The following COPG1 variants were observed in gnomAD, a reference collection of about 807,000 sequenced individuals.
The protein encoded by COPG1 is coatomer subunit gamma-1.
Under a neutral mutation model 102.8 loss-of-function variants are expected in COPG1, and 29 were observed. The observed-to-expected ratio is 0.28, with a 90% confidence interval of 0.21 to 0.38. The LOEUF is 0.38. COPG1 is among the 10% of genes least tolerant of loss of function. The pLI, the probability that COPG1 is intolerant of heterozygous loss-of-function variation, is 1.00. For synonymous variants in COPG1, 406 were observed against 421.6 expected (o/e 0.96, Z 0.45); for missense variants, 875 against 1,132.7 (o/e 0.77, Z 3.27).
chr3:129,254,316 A>G, intron 5 of COPG1: 1 of 196,266 alleles, frequency 5.1e-6, no homozygotes, highest in Non-Finnish European at 1.0e-5. Flanking sequence ...AGAGTAGGAC[A>G]GAGTGGAGGT....
intron 13 of COPG1, among the ~76,000 whole-genome samples, chr3:129,265,335 A>G (rs4927937): frequency 0.11 from 17,085 of 152,034 alleles, 2,663 homozygotes; most frequent in African/African-American, 0.35. Context: ...CAAGTGGTCC[A>G]CCCACCTCAG....
chr3:129,259,737 C>G (rs1258498581), intron 10 of COPG1, among the ~76,000 whole-genome samples: 1 of 152,112 alleles, frequency 6.6e-6, no homozygotes, highest in Non-Finnish European at 1.5e-5. Context: ...TCCGGGCAGC[C>G]AGGGCAAGGG....
intron 10 of COPG1, among the ~76,000 whole-genome samples, 158 bp downstream of exon 10, chr3:129,258,018 C>G (rs986329310): frequency 6.6e-5 from 10 of 152,210 alleles, no homozygotes; most frequent in African/African-American, 1.4e-4. Flanking sequence ...TGAGTCCCCA[C>G]TTGTATCACG....
Position 129,249,674 on chromosome 3 carries a change from C to T in COPG1, c.-36C>T. 2 of 1,550,664 alleles carry T rather than the reference C, an allele frequency of 1.3e-6. No homozygotes were observed. The highest frequency in any genetic ancestry group is 1.7e-6 in the Non-Finnish European group (2 of 1,146,682). On this transcript the variant is annotated 5_prime_UTR_variant, in exon 1 of 24. Coordinates refer to ENST00000314797, the MANE Select transcript of COPG1 (RefSeq NM_016128.4). ...GCTACTCCGTGCCGCGCCCGTCGAG[C>T]ATTGCGTTGCTGCATTGCGCCCCAC...
intron 17 of COPG1, 59 bp from the exon 18 acceptor site, chr3:129,268,873 C>G: frequency 6.7e-7 from 1 of 1,484,584 alleles, no homozygotes; most frequent in Non-Finnish European, 9.4e-7. Flanking sequence ...CTGGGGTCAC[C>G]ACCACACTGC....
intron 10 of COPG1, among the ~76,000 whole-genome samples, chr3:129,259,357 A>G (rs1200710970): frequency 6.7e-6 from 1 of 150,214 alleles, no homozygotes; most frequent in Non-Finnish European, 1.5e-5. Flanking sequence ...GCTACTCATG[A>G]GGCTGAGGCA....
At chr3:129,261,519 G>T (rs953116202) in intron 12 of COPG1, among the ~76,000 whole-genome samples, 2 of 152,172 alleles carry the variant, frequency 1.3e-5, no homozygotes, top group African/African-American at 4.8e-5. Context: ...TTCTTTTGGG[G>T]CAGGAGGAAG....
rs533307406 is a variant in COPG1 at position 129,249,785 on chromosome 3, C to T, written c.37+39C>T. 7.8e-6 allele frequency: 12 copies of T among 1,531,368 alleles called. No homozygotes were observed. In the South Asian group the frequency reaches 1.4e-4, roughly 17 times the overall value. The allele number at this position is 1,531,368 out of a possible 1,614,324, so 94.9% of individuals were successfully genotyped here. The stretch of plus-strand genomic sequence containing the variant: ...GCCTGGGTCTGAGGGAGGCCGGACC[C>T]CCACCCGCCGAGCTTTCCTTCTGGT... On this transcript the variant is annotated intron_variant, in intron 1 of 23. Transcript: ENST00000314797.
chr3:129,261,780 C>T (rs1018268961), intron 12 of COPG1, among the ~76,000 whole-genome samples: 1 of 152,152 alleles, frequency 6.6e-6, no homozygotes, highest in East Asian at 1.9e-4. Context: ...CATGTGGAGA[C>T]TTTCAAAATT....
rs1475622427 is a variant in COPG1, at chr3:129,275,879, G to A, written c.2494+587G>A. On this transcript the variant is annotated intron_variant, in intron 23 of 23. Transcript: ENST00000314797. This position sits in a 1 kb window ranked among gnomAD's most constrained non-coding sequence, Gnocchi z 5.0. Reference sequence around the variant, plus strand: ...TTGCTTAGTATTCCATTGTGTGGATGCACCACATATTCTATGGAACAGCCA... The same window carrying A: ...TTGCTTAGTATTCCATTGTGTGGATACACCACATATTCTATGGAACAGCCA... 1.3e-5 allele frequency among the ~76,000 whole-genome samples: 2 copies of A among 152,002 alleles called. No individual in the cohort carries two copies. The highest frequency in any genetic ancestry group is 1.3e-4 in the Admixed American group (2 of 15,256).
At chr3:129,260,490 C>A in intron 11 of COPG1, 90 bp downstream of exon 11, 1 of 1,517,024 alleles carries the variant, frequency 6.6e-7, no homozygotes. Context: ...GGATAATAGC[C>A]CTGGTCACAG....
At position 129,252,933 on chromosome 3, in the gene COPG1, G is replaced by T; in HGVS notation, c.301G>T (p.Asp101Tyr). ...TIKEMSCIAE[D>Y]VIIVTSSLTK... ...CAAGGAGATGTCTTGCATTGCAGAG[G>T]ATGTCATCATTGTCACCAGCAGGCA... Residue 101 changes from aspartate to tyrosine, a missense_variant, in exon 5 of 24, where the codon GAT becomes TAT. Coordinates refer to ENST00000314797, the MANE Select transcript of COPG1 (RefSeq NM_016128.4). 1 of 1,614,168 alleles carries T rather than the reference G, an allele frequency of 6.2e-7. No homozygotes were observed. The highest frequency in any genetic ancestry group is 1.1e-5 in the South Asian group (1 of 91,078).
At chr3:129,268,108 G>A in intron 16 of COPG1, 68 bp downstream of exon 16, 1 of 1,363,456 alleles carries the variant, frequency 7.3e-7, no homozygotes, top group Non-Finnish European at 1.0e-6. Flanking sequence ...CACTCCCTGG[G>A]CAGGGGAAAT....
intron 13 of COPG1, 61 bp from the exon 14 acceptor site, chr3:129,265,488 A>G (rs2107676960): frequency 6.3e-7 from 1 of 1,586,492 alleles, no homozygotes. Context: ...GGTCCAGCTC[A>G]GGTCTTCAAC....
In COPG1 at chr3:129,257,697, G is replaced by A. The variant is rs145564919; in HGVS notation, c.738-30G>A. ...CCTACCATGCTGGGCCACCCCCAAC[G>A]TTTTCTTGCCACCCTATGTTCTTTT... is the stretch of plus-strand genomic sequence containing the variant. On this transcript the variant is annotated intron_variant, in intron 9 of 23. Transcript: ENST00000314797. The A allele has an allele frequency of 4.0e-5, 65 of 1,613,108 alleles. No individual in the cohort carries two copies. The East Asian group carries it at 6.5e-4, about 16-fold the overall frequency.
chr3:129,272,800 C>G lies in COPG1; in HGVS notation c.2159-7C>G. ...CATCCTAACTACCCAGCCTCTCTTC[C>G]CCACAGTGGCCTGCACATTCAGCTG... On this transcript the variant is annotated splice_region_variant and splice_polypyrimidine_tract_variant and intron_variant, in intron 20 of 23. Transcript: ENST00000314797. The G allele has an allele frequency of 6.2e-7, 1 of 1,602,866 alleles. No individual in the cohort carries two copies. Among genetic ancestry groups the G allele is most frequent in the African/African-American group, 1.3e-5 (1 of 74,766 alleles).
At chr3:129,256,761 G>A (rs560093907) in intron 8 of COPG1, among the ~76,000 whole-genome samples, 20 of 152,294 alleles carry the variant, frequency 1.3e-4, no homozygotes, top group African/African-American at 3.6e-4. Context: ...TCCTTTGCAC[G>A]ATTCTTGTCT....
At chr3:129,249,799 T>G in intron 1 of COPG1, 53 bp downstream of exon 1, 1 of 1,539,348 alleles carries the variant, frequency 6.5e-7, no homozygotes, top group Non-Finnish European at 8.8e-7. Context: ...CCCGCCGAGC[T>G]TTCCTTCTGG....
At chr3:129,254,457 T>C in intron 5 of COPG1, 1 of 524,176 alleles carries the variant, frequency 1.9e-6, no homozygotes, top group Non-Finnish European at 3.4e-6. Context: ...GGAAACTTTT[T>C]AGCAAAAGCA....
Sources: gnomAD v4.1 joint callset for allele counts (sites outside exome capture counted in the v4.1 genomes callset) on GRCh38, gnomAD v4.1.1 for gene constraint, Gnocchi (gnomAD v3.1) non-coding constraint, MANE v1.5 for transcripts, NCBI Gene and HGNC (gene_info 2026-07-23, HGNC 2026-07-21) for gene names.